The following AFF3 variants were observed in gnomAD, a reference collection of about 807,000 sequenced individuals.
The protein encoded by AFF3 is AF4/FMR2 family member 3.
Under a neutral mutation model 129.7 loss-of-function variants are expected in AFF3, and 32 were observed. The observed-to-expected ratio is 0.25, with a 90% CI of 0.19 to 0.33. The LOEUF (loss-of-function observed/expected upper bound fraction) is 0.33, where lower values mean the gene tolerates loss of function less well. Ranked by LOEUF, AFF3 falls within the 10% of genes least tolerant of loss-of-function variation. The probability of loss-of-function intolerance (pLI) is 1.00; values close to 1 mark genes in which losing one functional copy is unlikely to be tolerated. For synonymous variants in AFF3, 644 were observed against 635.4 expected (o/e 1.01, Z -0.20); for missense variants, 1,373 against 1,592.0 (o/e 0.86, Z 2.34).
chr2:99,812,987 G>C (rs796801559), intron 8 of AFF3, among the ~76,000 whole-genome samples: 8 of 151,972 alleles, frequency 5.3e-5, no homozygotes, highest in African/African-American at 1.9e-4. Flanking sequence ...ATTTCTCGCA[G>C]TGCAGGCATT....
At chr2:99,738,086 T>C (rs912836270) in intron 10 of AFF3, among the ~76,000 whole-genome samples, 12 of 152,148 alleles carry the variant, frequency 7.9e-5, no homozygotes, top group Admixed American at 5.9e-4. Context: ...ATTCTAGGCT[T>C]GATAACCCCA....
At chr2:99,988,960 C>A (rs944779224) in intron 7 of AFF3, among the ~76,000 whole-genome samples, 3 of 152,068 alleles carry the variant, frequency 2.0e-5, no homozygotes, top group African/African-American at 7.2e-5. Context: ...TGATTAAATG[C>A]AGAAGTGAGA....
intron 7 of AFF3, among the ~76,000 whole-genome samples, chr2:99,862,474 G>A (rs768553284): frequency 2.0e-5 from 3 of 152,170 alleles, no homozygotes; most frequent in Non-Finnish European, 4.4e-5. Context: ...CTCAAACCCT[G>A]GATCACTAAA....
At chr2:99,679,040 G>A (rs1674280386) in intron 11 of AFF3, among the ~76,000 whole-genome samples, 1 of 152,206 alleles carries the variant, frequency 6.6e-6, no homozygotes, top group African/African-American at 2.4e-5. Context: ...CTAGGGGTTG[G>A]CAATTTAGTG....
chr2:99,811,870 G>A (rs555676590), intron 8 of AFF3, among the ~76,000 whole-genome samples: 1 of 152,358 alleles, frequency 6.6e-6, no homozygotes, highest in African/African-American at 2.4e-5. Flanking sequence ...GCAGCTGTAC[G>A]ATGGCCTTGG....
At chr2:100,047,404 C>T (rs1685921772) in intron 4 of AFF3, among the ~76,000 whole-genome samples, 1 of 152,146 alleles carries the variant, frequency 6.6e-6, no homozygotes, top group Non-Finnish European at 1.5e-5. Flanking sequence ...TTTCTATCTC[C>T]CCAAGGAGAC....
At chr2:99,988,671 A>G (rs980904002) in intron 7 of AFF3, among the ~76,000 whole-genome samples, 3 of 152,198 alleles carry the variant, frequency 2.0e-5, no homozygotes, top group African/African-American at 7.2e-5. Flanking sequence ...GAGGGGGCTG[A>G]TAAGCGTGGC....
intron 15 of AFF3, among the ~76,000 whole-genome samples, chr2:99,588,936 A>G (rs535034324): frequency 6.2e-4 from 94 of 152,336 alleles, no homozygotes; most frequent in African/African-American, 2.2e-3. Context: ...GAGTACAGCC[A>G]GGTGTCAGGC....
intron 11 of AFF3, among the ~76,000 whole-genome samples, chr2:99,718,656 G>A (rs914460248): frequency 1.1e-4 from 17 of 152,150 alleles, no homozygotes; most frequent in Admixed American, 1.0e-3. Flanking sequence ...ATGTTGAATA[G>A]AGGTGATAAG....
chr2:100,007,153 C>G lies in AFF3; in HGVS notation c.482G>C (p.Arg161Thr). 6.2e-7 allele frequency: 1 copy of G among 1,614,014 alleles called. No homozygotes were observed. Among genetic ancestry groups the G allele is most frequent in the Non-Finnish European group, 8.5e-7 (1 of 1,179,934 alleles). Residue 161 changes from arginine to threonine, a missense_variant, in exon 6 of 25, where the codon AGA becomes ACA. By Grantham distance (71) the Arg-to-Thr change is moderately conservative (BLOSUM62 -1). This residue lies in a region of AFF3 where 255 missense variants were observed against 256.0 expected (regional missense o/e 1.00). Coordinates refer to ENST00000672756, the MANE Select transcript of AFF3 (RefSeq NM_001386135.1). ...CAACCTGTGCCTGTGCTTACTTGCTCTCTGTTGGCCGTCAGAGGGTGGGTG... is the reference window on the plus strand; with the variant it reads ...CAACCTGTGCCTGTGCTTACTTGCTGTCTGTTGGCCGTCAGAGGGTGGGTG... Reference protein sequence around the residue: ...AGHPPSDGQQRATQQGSLRTL... With the variant: ...AGHPPSDGQQTATQQGSLRTL...
At chr2:99,821,470 A>AAAAAAAAG (rs76591328) in intron 8 of AFF3, among the ~76,000 whole-genome samples, 3 of 150,662 alleles carry the variant, frequency 2.0e-5, no homozygotes, top group African/African-American at 4.9e-5. Context: ...CTGATGAGCT[A>AAAAAAAAG]AAAAAAAGAA....
intron 11 of AFF3, among the ~76,000 whole-genome samples, chr2:99,699,929 CTT>C (rs1373114399): frequency 6.6e-6 from 1 of 152,216 alleles, no homozygotes; most frequent in Non-Finnish European, 1.5e-5. Flanking sequence ...ACATGGGAAA[CTT>C]TCTGAATTTA....
chr2:100,030,111 A>C (rs1374127739), intron 4 of AFF3, among the ~76,000 whole-genome samples: 2 of 151,402 alleles, frequency 1.3e-5, no homozygotes, highest in East Asian at 3.9e-4. Context: ...ATAAGATGAT[A>C]AACTTCTTGT....
intron 8 of AFF3, among the ~76,000 whole-genome samples, chr2:99,793,476 C>T (rs1052188705): frequency 3.3e-5 from 5 of 152,224 alleles, no homozygotes; most frequent in Admixed American, 1.3e-4. Context: ...TAGGACTACA[C>T]AGATTCTATT....
intron 8 of AFF3, among the ~76,000 whole-genome samples, chr2:99,814,196 C>T (rs1285125915): frequency 6.6e-6 from 1 of 152,088 alleles, no homozygotes; most frequent in African/African-American, 2.4e-5. Flanking sequence ...TTCTTTCTCA[C>T]CTCTAGCCTA....
At chr2:99,881,808 T>G (rs1458644431) in intron 7 of AFF3, among the ~76,000 whole-genome samples, 1 of 152,208 alleles carries the variant, frequency 6.6e-6, no homozygotes, top group East Asian at 1.9e-4. Flanking sequence ...CAACCATTAA[T>G]GATAAAAGAA....
intron 9 of AFF3, among the ~76,000 whole-genome samples, chr2:99,747,721 T>C (rs1054669609): frequency 1.3e-5 from 2 of 152,062 alleles, no homozygotes; most frequent in African/African-American, 4.8e-5. Context: ...GTTGAAATAA[T>C]TGGTATAAAA....
At position 99,594,155 on chromosome 2, in the gene AFF3, C is replaced by G. The variant is rs1252992492; in HGVS notation, c.1506G>C (p.Glu502Asp). The change falls in exon 15 of 25, where the codon GAG becomes GAC. Residue 502 changes from glutamate to aspartate, a missense_variant. Transcript: ENST00000672756. Reference protein sequence around the residue: ...ESNQYYNPVKEDVQDCGKVPD... With the variant: ...ESNQYYNPVKDDVQDCGKVPD... Reference sequence around the variant, plus strand: ...GGACTTTCCCACAGTCCTGGACGTCCTCTTTCACCGGGTTGTAGTACTGAT... The same window carrying G: ...GGACTTTCCCACAGTCCTGGACGTCGTCTTTCACCGGGTTGTAGTACTGAT... The G allele has an allele frequency of 1.2e-6, 2 of 1,614,032 alleles. No homozygotes were observed. The highest frequency in any genetic ancestry group is 2.7e-5 in the African/African-American group (2 of 74,934).
chr2:99,686,917 C>T (rs779986771), intron 11 of AFF3, among the ~76,000 whole-genome samples: 53 of 152,180 alleles, frequency 3.5e-4, no homozygotes, highest in Non-Finnish European at 1.6e-4. Flanking sequence ...ATCATTGTGG[C>T]AATGGTAATC....
Sources: gnomAD v4.1 joint callset for allele counts (sites outside exome capture counted in the v4.1 genomes callset) on GRCh38, gnomAD v4.1.1 for gene constraint, gnomAD v4.1.1 regional missense constraint, MANE v1.5 for transcripts, NCBI Gene and HGNC (gene_info 2026-07-23, HGNC 2026-07-21) for gene names.